Variants in RGL1 observed in about 807,000 individuals in gnomAD.
RGL1 encodes the protein ral guanine nucleotide dissociation stimulator-like 1.
RGL1 carries 24 observed loss-of-function variants against 95.2 expected under a neutral mutation model. The ratio of observed to expected loss-of-function variants is 0.25; its 90% CI spans 0.18 to 0.35. RGL1 has a LOEUF of 0.35. Ranked by LOEUF, RGL1 falls within the 10% of genes least tolerant of loss-of-function variation. RGL1 has a pLI of 1.00. For synonymous variants in RGL1, 329 were observed against 344.9 expected (o/e 0.95, Z 0.51); for missense variants, 715 against 936.3 (o/e 0.76, Z 3.08).
chr1:183,650,718 T>G (rs978894235), intron 1 of RGL1, among the ~76,000 whole-genome samples: 10 of 150,886 alleles, frequency 6.6e-5, no homozygotes, highest in Non-Finnish European at 1.0e-4. Flanking sequence ...ATTTTTTTTT[T>G]TTTTTAGAAT....
Position 183,768,910 on chromosome 1 carries a change from A to C in RGL1, c.132+26621A>C, listed in dbSNP as rs185263273. On this transcript the variant is annotated intron_variant, in intron 2 of 18. Coordinates refer to the RGL1 transcript ENST00000304685. ...AGCAAGAATCCTGAACTGTCATATA[A>C]GATATTAGCATTTTATAGATAAGGA... is the stretch of plus-strand genomic sequence containing the variant. Among the ~76,000 whole-genome samples, 111 of 152,360 alleles carry C rather than the reference A, an allele frequency of 7.3e-4. No homozygotes were observed. The East Asian group carries it at 0.018, about 25-fold the overall frequency.
Position 183,892,124 on chromosome 1 carries a change from A to G in RGL1, c.1103A>G (p.His368Arg), listed in dbSNP as rs1667460365. The change falls in exon 9 of 18, where the codon CAT becomes CGT. Residue 368 changes from histidine to arginine, a missense_variant. Physicochemically the swap from His to Arg is conservative, Grantham distance 29 (BLOSUM62 0). This residue lies in a region of RGL1 where 381 missense variants were observed against 484.8 expected (regional missense o/e 0.79). Coordinates refer to ENST00000360851, the MANE Select transcript of RGL1 (RefSeq NM_001297671.3). ...GAACTTTCAGATATCTTCTCAGACC[A>G]TAATAACCATTTGACCAGCCGAGAA... ...FEELSDIFSDHNNHLTSRELL... is the reference protein window; with the variant it reads ...FEELSDIFSDRNNHLTSRELL... 3 of 1,612,978 alleles carry G rather than the reference A, an allele frequency of 1.9e-6. No individual in the cohort carries two copies. The highest frequency in any genetic ancestry group is 2.5e-6 in the Non-Finnish European group (3 of 1,179,354).
intron 7 of RGL1, 150 bp downstream of exon 7, chr1:183,885,088 A>G (rs1030278540): frequency 1.4e-6 from 1 of 701,990 alleles, no homozygotes; most frequent in African/African-American, 1.8e-5. Flanking sequence ...CTTCCAGAGT[A>G]AGAAAAAAGT....
chr1:183,656,735 T>G (rs984125033), intron 1 of RGL1, among the ~76,000 whole-genome samples: 1 of 152,216 alleles, frequency 6.6e-6, no homozygotes, highest in Non-Finnish European at 1.5e-5. Flanking sequence ...TCTAATGTTT[T>G]AACACATCAT....
At chr1:183,767,856 G>A (rs182667403) in intron 2 of RGL1, among the ~76,000 whole-genome samples, 1 of 152,250 alleles carries the variant, frequency 6.6e-6, no homozygotes, top group Non-Finnish European at 1.5e-5. Context: ...AGGAGGCCAA[G>A]GCAGGAGAAT....
intron 1 of RGL1, among the ~76,000 whole-genome samples, chr1:183,663,237 T>C (rs1355619155): frequency 3.6e-4 from 55 of 152,104 alleles, no homozygotes; most frequent in African/African-American, 9.7e-4. Flanking sequence ...TAAAGAGTTT[T>C]TGCACAGCAA....
At chr1:183,904,099 G>A (rs1381060510) in intron 12 of RGL1, among the ~76,000 whole-genome samples, 3 of 152,084 alleles carry the variant, frequency 2.0e-5, no homozygotes, top group Non-Finnish European at 4.4e-5. Flanking sequence ...TTTTAGACTA[G>A]GATATTAAAC....
chr1:183,768,899 A>G (rs1280985415), intron 2 of RGL1, among the ~76,000 whole-genome samples: 1 of 152,242 alleles, frequency 6.6e-6, no homozygotes, highest in Non-Finnish European at 1.5e-5. Context: ...AGAATCCTGA[A>G]CTGTCATATA....
chr1:183,636,154 C>G (rs1374577500), exon 1 of RGL1: 1 of 399,504 alleles, frequency 2.5e-6, no homozygotes, highest in African/African-American at 2.1e-5. Context: ...TTGGCTTTTG[C>G]TGCAGCCGTC....
chr1:183,909,320 T>G (rs1668516449), intron 14 of RGL1, among the ~76,000 whole-genome samples: 1 of 152,194 alleles, frequency 6.6e-6, no homozygotes, highest in Admixed American at 6.5e-5. Flanking sequence ...TTTGGGTGCT[T>G]AGGCCTAGTT....
intron 2 of RGL1, among the ~76,000 whole-genome samples, chr1:183,831,788 G>T (rs1169550123): frequency 6.6e-6 from 1 of 152,150 alleles, no homozygotes; most frequent in African/African-American, 2.4e-5. Context: ...CCAATTTCTA[G>T]AGATTTAAAT....
intron 1 of RGL1, among the ~76,000 whole-genome samples, chr1:183,678,649 T>A (rs1652996252): frequency 6.6e-6 from 1 of 151,930 alleles, no homozygotes; most frequent in Non-Finnish European, 1.5e-5. Flanking sequence ...GTCGCCAGGC[T>A]GGAGTGCAGT....
chr1:183,799,942 C>T (rs1660898445), intron 2 of RGL1, among the ~76,000 whole-genome samples: 2 of 152,124 alleles, frequency 1.3e-5, no homozygotes, highest in African/African-American at 4.8e-5. Flanking sequence ...TCAATGCCTC[C>T]TATGTTCCAA....
chr1:183,693,738 G>A (rs1028463826), intron 1 of RGL1, among the ~76,000 whole-genome samples: 2 of 152,044 alleles, frequency 1.3e-5, no homozygotes, highest in African/African-American at 4.8e-5. Flanking sequence ...CTTGTGTAGT[G>A]CCTACACTAC....
chr1:183,779,448 C>T (rs1489652352), intron 2 of RGL1, among the ~76,000 whole-genome samples: 11 of 152,148 alleles, frequency 7.2e-5, no homozygotes, highest in African/African-American at 1.7e-4. Flanking sequence ...GAAGTTTCAC[C>T]ATGTTGGCCA....
chr1:183,854,746 C>A (rs370407559), intron 3 of RGL1, among the ~76,000 whole-genome samples: 11 of 152,064 alleles, frequency 7.2e-5, no homozygotes, highest in East Asian at 3.9e-4. Context: ...GAATTTTATT[C>A]CAGTTTTGCA....
At chr1:183,702,043 G>C (rs1370061853) in intron 1 of RGL1, among the ~76,000 whole-genome samples, 1 of 152,158 alleles carries the variant, frequency 6.6e-6, no homozygotes, top group African/African-American at 2.4e-5. Flanking sequence ...AAAACTCTAG[G>C]TATGTCAACT....
At chr1:183,739,001 G>GGCTCAGT (rs1657122294) in intron 1 of RGL1, among the ~76,000 whole-genome samples, 1 of 152,122 alleles carries the variant, frequency 6.6e-6, no homozygotes, top group Non-Finnish European at 1.5e-5. Flanking sequence ...TAATTTGTGG[G>GGCTCAGT]GCTCAGTGCA....
chr1:183,864,988 C>T lies in RGL1; in HGVS notation c.348-1008C>T, dbSNP rs1665739874. Among the ~76,000 whole-genome samples the T allele has an allele frequency of 2.6e-5, 4 of 152,170 alleles. No individual in the cohort carries two copies. In the South Asian group the frequency reaches 8.3e-4, roughly 32 times the overall value. On this transcript the variant is annotated intron_variant, in intron 3 of 17. Transcript: ENST00000360851. ...AGTGTGCTCTTTAAAAATGTAAACT[C>T]ATCAATTATAGAATTTATCAAAACT...
Sources: gnomAD v4.1 joint callset for allele counts (sites outside exome capture counted in the v4.1 genomes callset) on GRCh38, gnomAD v4.1.1 for gene constraint, gnomAD v4.1.1 regional missense constraint, MANE v1.5 for transcripts, NCBI Gene and HGNC (gene_info 2026-07-23, HGNC 2026-07-21) for gene names.